GRM5: variants seen among roughly 807,000 people sequenced by gnomAD.
GRM5 encodes glutamate metabotropic receptor 5, also known as metabotropic glutamate receptor 5.
A neutral mutation model predicts 83.1 loss-of-function variants in GRM5; 19 were observed. That is an observed-to-expected ratio of 0.23 (90% CI 0.16 to 0.34). The LOEUF (loss-of-function observed/expected upper bound fraction) is 0.34. Among genes scored for constraint, GRM5 ranks in the 10% least tolerant of loss-of-function variants. GRM5 has a pLI of 1.00. For synonymous variants in GRM5, 675 were observed against 633.6 expected (o/e 1.07, Z -0.98); for missense variants, 1,160 against 1,588.3 (o/e 0.73, Z 4.58).
chr11:88,927,366 T>C (rs1395232305), intron 2 of GRM5, among the ~76,000 whole-genome samples: 1 of 152,132 alleles, frequency 6.6e-6, no homozygotes, highest in African/African-American at 2.4e-5. Flanking sequence ...GGCATCATTA[T>C]TTTGAATTTG....
chr11:89,018,553 T>C (rs554811816), intron 2 of GRM5, among the ~76,000 whole-genome samples: 7 of 152,290 alleles, frequency 4.6e-5, no homozygotes, highest in African/African-American at 1.7e-4. Flanking sequence ...CATTTATCTA[T>C]CTATCTATCC....
At chr11:88,911,469 A>G (rs1461294665) in intron 2 of GRM5, among the ~76,000 whole-genome samples, 1 of 152,208 alleles carries the variant, frequency 6.6e-6, no homozygotes, top group East Asian at 1.9e-4. Flanking sequence ...GATTTTTTGT[A>G]CTCAACAGTG....
rs569390300 is a variant in GRM5, at chr11:89,047,460, C to T, written c.413G>A (p.Arg138His). 45 of 1,614,112 alleles carry T rather than the reference C, an allele frequency of 2.8e-5. No homozygotes were observed. Among genetic ancestry groups the T allele is most frequent in the East Asian group, 2.5e-4 (11 of 44,872 alleles). Reference sequence around the variant, plus strand: ...GACCCCTACTATGGGCTTCTTGGAGCGGAAGGAAGAGGAGGAGCCATCCAC... The same window carrying T: ...GACCCCTACTATGGGCTTCTTGGAGTGGAAGGAAGAGGAGGAGCCATCCAC... Reference protein sequence around the residue: ...RCVDGSSSSFRSKKPIVGVIG... With the variant: ...RCVDGSSSSFHSKKPIVGVIG... The change falls in exon 2 of 10, where the codon CGC becomes CAC. Residue 138 changes from arginine to histidine, a missense_variant. Physicochemically the swap from Arg to His is conservative, Grantham distance 29 (BLOSUM62 0). This residue lies in a region of GRM5 where 39 missense variants were observed against 36.7 expected (regional missense o/e 1.06). Transcript: ENST00000305447. This position sits in a 1 kb window ranked among gnomAD's most constrained non-coding sequence, Gnocchi z 5.1.
At chr11:88,583,303 T>C (rs568269453) in intron 7 of GRM5, among the ~76,000 whole-genome samples, 2 of 152,292 alleles carry the variant, frequency 1.3e-5, no homozygotes, top group South Asian at 4.1e-4. Context: ...TGCGGCTTTT[T>C]TCCTCTTAAG....
intron 3 of GRM5, among the ~76,000 whole-genome samples, chr11:88,748,634 C>T (rs1255942701): frequency 6.6e-6 from 1 of 152,152 alleles, no homozygotes; most frequent in African/African-American, 2.4e-5. Flanking sequence ...CCCGTTCCTC[C>T]TGACTGAATG....
intron 8 of GRM5, among the ~76,000 whole-genome samples, chr11:88,536,094 T>G (rs1942123696): frequency 6.6e-6 from 1 of 152,212 alleles, no homozygotes; most frequent in Non-Finnish European, 1.5e-5. Flanking sequence ...TTACTGTGGG[T>G]TTAGTGTTAC....
At chr11:88,546,498 G>C (rs1377839647) in intron 8 of GRM5, among the ~76,000 whole-genome samples, 1 of 152,018 alleles carries the variant, frequency 6.6e-6, no homozygotes, top group Non-Finnish European at 1.5e-5. Flanking sequence ...TTTGCTTTAT[G>C]TTTAATAATT....
chr11:88,527,952 G>A (rs928453071), intron 8 of GRM5, among the ~76,000 whole-genome samples: 4 of 151,956 alleles, frequency 2.6e-5, no homozygotes, highest in African/African-American at 9.7e-5. Context: ...GGTGGGAGGA[G>A]AGTGAGGATC....
intron 3 of GRM5, among the ~76,000 whole-genome samples, chr11:88,791,748 C>A (rs1412300158): frequency 6.6e-6 from 1 of 152,132 alleles, no homozygotes; most frequent in African/African-American, 2.4e-5. Context: ...TAAAAGCATA[C>A]AAGTTTGTGG....
chr11:88,997,299 C>A, intron 2 of GRM5, among the ~76,000 whole-genome samples: 2 of 146,920 alleles, frequency 1.4e-5, no homozygotes. Flanking sequence ...TGTACTCCAG[C>A]CTGGGCAACA....
chr11:88,725,024 A>C (rs1313220695), intron 3 of GRM5, among the ~76,000 whole-genome samples: 1 of 152,140 alleles, frequency 6.6e-6, no homozygotes, highest in Non-Finnish European at 1.5e-5. Context: ...ATACTCCAGT[A>C]ATGCCTGGAT....
intron 3 of GRM5, among the ~76,000 whole-genome samples, chr11:88,682,148 A>G (rs189278979): frequency 2.4e-4 from 36 of 152,260 alleles, no homozygotes; most frequent in Admixed American, 2.3e-3. Flanking sequence ...TTATTTCCCT[A>G]TGGATTTGAC....
chr11:88,831,455 C>T (rs2135520106), intron 3 of GRM5, among the ~76,000 whole-genome samples: 1 of 152,310 alleles, frequency 6.6e-6, no homozygotes, highest in Admixed American at 6.5e-5. Context: ...CCGCTGCCTC[C>T]CTAACCAAGC....
intron 3 of GRM5, among the ~76,000 whole-genome samples, chr11:88,824,040 C>T (rs542526042): frequency 6.6e-6 from 1 of 152,310 alleles, no homozygotes; most frequent in South Asian, 2.1e-4. Context: ...TACTCCTTGG[C>T]TGAGAATTTG....
At chr11:88,580,768 G>T (rs1462267643) in intron 7 of GRM5, among the ~76,000 whole-genome samples, 1 of 152,192 alleles carries the variant, frequency 6.6e-6, no homozygotes, top group Non-Finnish European at 1.5e-5. Flanking sequence ...AATAAAAATT[G>T]TCTACTCTCT....
chr11:88,529,447 T>C (rs574301444), intron 8 of GRM5, among the ~76,000 whole-genome samples: 1 of 151,632 alleles, frequency 6.6e-6, no homozygotes, highest in South Asian at 2.1e-4. Context: ...TGCAAACATG[T>C]AGAGAGGTTT....
intron 2 of GRM5, among the ~76,000 whole-genome samples, chr11:88,920,915 A>C (rs2135628309): frequency 6.6e-6 from 1 of 152,258 alleles, no homozygotes; most frequent in South Asian, 2.1e-4. Context: ...GTGCTACATA[A>C]GTGTATGGCA....
At chr11:88,530,215 A>T (rs1440298092) in intron 8 of GRM5, among the ~76,000 whole-genome samples, 1 of 152,030 alleles carries the variant, frequency 6.6e-6, no homozygotes, top group Non-Finnish European at 1.5e-5. Context: ...CTGGAAAAAA[A>T]ATCTGCTGAG....
intron 2 of GRM5, among the ~76,000 whole-genome samples, chr11:89,043,759 G>A (rs1398471923): frequency 6.6e-6 from 1 of 152,066 alleles, no homozygotes; most frequent in African/African-American, 2.4e-5. Flanking sequence ...TTATGTGATT[G>A]CAATTAGCTG....
Sources: allele counts gnomAD v4.1 joint callset (sites outside exome capture counted in the v4.1 genomes callset), GRCh38; gene constraint gnomAD v4.1.1; regional missense constraint gnomAD v4.1.1; non-coding constraint Gnocchi (gnomAD v3.1); transcripts MANE v1.5; gene names NCBI Gene and HGNC (gene_info 2026-07-23, HGNC 2026-07-21).